Variants in ZSCAN18 observed in about 807,000 individuals in gnomAD.
ZSCAN18 encodes the protein zinc finger and SCAN domain-containing protein 18.
Under a neutral mutation model 31.1 loss-of-function variants are expected in ZSCAN18, and 16 were observed. The ratio of observed to expected loss-of-function variants is 0.51; its 90% CI spans 0.35 to 0.78. The LOEUF (loss-of-function observed/expected upper bound fraction) is 0.78, where lower values mean the gene tolerates loss of function less well. Ranked by LOEUF, ZSCAN18 falls within the 30% of genes least tolerant of loss-of-function variation. The pLI, the probability that ZSCAN18 is intolerant of heterozygous loss-of-function variation, is 0.01. For missense variants in ZSCAN18, 731 were observed against 697.4 expected (o/e 1.05, Z -0.54); for synonymous variants, 375 against 320.7 (o/e 1.17, Z -1.81).
chr19:58,097,299 C>CG (rs2146007697), intron 1 of ZSCAN18, among the ~76,000 whole-genome samples: 1 of 151,690 alleles, frequency 6.6e-6, no homozygotes, highest in South Asian at 2.1e-4. Flanking sequence ...ATAGTCTGGA[C>CG]GGGGGTAGAG....
At chr19:58,105,983 A>C (rs996299244) in intron 1 of ZSCAN18, among the ~76,000 whole-genome samples, 6 of 152,154 alleles carry the variant, frequency 3.9e-5, no homozygotes, top group Non-Finnish European at 8.8e-5. Context: ...CTTATCAAAA[A>C]AGAAAAAAAA....
chr19:58,092,741 G>A, intron 1 of ZSCAN18: 1 of 982,410 alleles, frequency 1.0e-6, no homozygotes, highest in South Asian at 4.7e-5. Context: ...GCCATGCCGT[G>A]CCATCATCAC....
At chr19:58,101,444 C>T (rs747941655), upstream of ZSCAN18, among the ~76,000 whole-genome samples, 20 of 151,148 alleles carry the variant, frequency 1.3e-4, no homozygotes, top group Non-Finnish European at 1.8e-4. Flanking sequence ...CCACTGCGCC[C>T]GGCCACTTTT....
At chr19:58,086,847 C>G in intron 5 of ZSCAN18, 59 bp downstream of exon 5, 1 of 1,391,692 alleles carries the variant, frequency 7.2e-7, no homozygotes, top group Non-Finnish European at 1.0e-6. Context: ...GTCTCCTGCA[C>G]CAACCCCTGC....
chr19:58,091,446 C>G (rs1014317678), intron 1 of ZSCAN18, among the ~76,000 whole-genome samples: 1 of 150,072 alleles, frequency 6.7e-6, no homozygotes, highest in East Asian at 2.0e-4. Context: ...CCCACCTCCC[C>G]GTTTCTGGAA....
chr19:58,102,180 C>T (rs1316307083), upstream of ZSCAN18, among the ~76,000 whole-genome samples: 5 of 152,010 alleles, frequency 3.3e-5, no homozygotes, highest in East Asian at 3.9e-4. Flanking sequence ...TATACTCAGC[C>T]GGGCGCAGTG....
chr19:58,091,906 T>C (rs981959389), intron 1 of ZSCAN18, among the ~76,000 whole-genome samples: 6 of 151,950 alleles, frequency 3.9e-5, no homozygotes, highest in East Asian at 1.9e-4. Flanking sequence ...GGGAAAACCA[T>C]AGAGTAAACC....
chr19:58,104,685 AGAGT>A (rs1219499197), intron 1 of ZSCAN18, among the ~76,000 whole-genome samples: 2 of 150,190 alleles, frequency 1.3e-5, no homozygotes, highest in African/African-American at 2.5e-5. Context: ...CCTAGGCAAA[AGAGT>A]GAGACTCCAT....
rs181848758 is a variant in ZSCAN18, at chr19:58,092,739, G to A, written c.-119-2353C>T. 7.7e-5 allele frequency: 76 copies of A among 982,904 alleles called. 1 individual carries two copies. The East Asian group carries it at 5.4e-3, about 69-fold the overall frequency. 60.9% of individuals were successfully genotyped at this position (982,904 alleles called of 1,614,324 possible). A position where few individuals can be genotyped will look rare whatever the true frequency, so the allele number is the denominator to read the frequency against. ...ACCTCAAGCAGAACAGAGCCATGCC[G>A]TGCCATCATCACCACCACCACGATA... On this transcript the variant is annotated intron_variant, in intron 1 of 6. Coordinates refer to ENST00000601144, the MANE Select transcript of ZSCAN18 (RefSeq NM_001145543.2).
chr19:58,088,616 C>A (rs80292625), intron 3 of ZSCAN18, 72 bp downstream of exon 3: 2 of 1,539,718 alleles, frequency 1.3e-6, no homozygotes, highest in Non-Finnish European at 1.8e-6. Context: ...TCTGCCCTCT[C>A]CCAACCACAG....
At chr19:58,118,068 G>C (rs1250907524) in intron 1 of ZSCAN18, among the ~76,000 whole-genome samples, 1 of 151,894 alleles carries the variant, frequency 6.6e-6, no homozygotes, top group African/African-American at 2.4e-5. Context: ...TACCAGCCCC[G>C]CACGCCAAGG....
chr19:58,088,596 T>C, intron 3 of ZSCAN18, 92 bp downstream of exon 3: 1 of 1,391,150 alleles, frequency 7.2e-7, no homozygotes, highest in Non-Finnish European at 9.8e-7. Context: ...CCTGACTCCC[T>C]GGCTGCCCTT....
intron 1 of ZSCAN18, among the ~76,000 whole-genome samples, chr19:58,115,204 G>A (rs1459384166): frequency 6.6e-6 from 1 of 152,200 alleles, no homozygotes; most frequent in East Asian, 1.9e-4. Flanking sequence ...GTTGGCAGCT[G>A]ATCCAAGTTC....
upstream of ZSCAN18, among the ~76,000 whole-genome samples, chr19:58,102,564 A>G (rs927594359): frequency 1.3e-5 from 2 of 152,198 alleles, no homozygotes; most frequent in African/African-American, 4.8e-5. Flanking sequence ...TAAAATAACA[A>G]TTATGGCTGA....
At chr19:58,086,652 C>T (rs908786401) in intron 5 of ZSCAN18, 9 of 503,426 alleles carry the variant, frequency 1.8e-5, no homozygotes, top group East Asian at 1.3e-4. Flanking sequence ...GCAATGTGGG[C>T]GCCTTGGGGC....
In ZSCAN18 at chr19:58,088,856, C is replaced by G. The variant is rs751483177; in HGVS notation, c.404-19G>C. The G allele has an allele frequency of 6.2e-7, 1 of 1,602,744 alleles. No individual in the cohort carries two copies. The highest frequency in any genetic ancestry group is 8.5e-7 in the Non-Finnish European group (1 of 1,173,714). On this transcript the variant is annotated intron_variant, in intron 2 of 6. Coordinates refer to ENST00000601144, the MANE Select transcript of ZSCAN18 (RefSeq NM_001145543.2). ...AGCATCCCTGTCAACAGTGGAGGGA[C>G]CTGTGACCCCAAGAGGTCAGGACAC...
intron 1 of ZSCAN18, among the ~76,000 whole-genome samples, chr19:58,095,100 G>T (rs1024825487): frequency 6.6e-6 from 1 of 152,088 alleles, no homozygotes; most frequent in Admixed American, 6.6e-5. Flanking sequence ...CTGCAGGTGG[G>T]TACGCTAACC....
chr19:58,098,269 G>A (rs1173485904), upstream of ZSCAN18: 2 of 985,390 alleles, frequency 2.0e-6, no homozygotes, highest in Non-Finnish European at 2.4e-6. Context: ...GCCTCACCGC[G>A]GACTACGACT....
intron 1 of ZSCAN18, among the ~76,000 whole-genome samples, chr19:58,094,365 C>G (rs1241827134): frequency 4.6e-5 from 7 of 150,938 alleles, no homozygotes; most frequent in Non-Finnish European, 1.0e-4. Context: ...GAGCCGAGAT[C>G]GCGCCACTGC....
Sources: allele counts gnomAD v4.1 joint callset (sites outside exome capture counted in the v4.1 genomes callset), GRCh38; gene constraint gnomAD v4.1.1; transcripts MANE v1.5; gene names NCBI Gene and HGNC (gene_info 2026-07-23, HGNC 2026-07-21).